CYSLTR1: variants seen among roughly 807,000 people sequenced by gnomAD.
CYSLTR1 encodes cysteinyl leukotriene receptor 1.
CYSLTR1 carries 1 observed loss-of-function variant against 2.1 expected under a neutral mutation model. The ratio of observed to expected loss-of-function variants is 0.48; its 90% confidence interval spans 0.17 to 2.28. The LOEUF (loss-of-function observed/expected upper bound fraction) is 2.28, where lower values mean the gene tolerates loss of function less well. Among genes scored for constraint, CYSLTR1 ranks in the 30% most tolerant of loss-of-function variants. The pLI is 0.26. For missense variants in CYSLTR1, 299 were observed against 250.1 expected (o/e 1.20, Z -1.32); for synonymous variants, 110 against 89.6 (o/e 1.23, Z -1.28).
At chrX:78,279,577 C>T (rs1438577069) in intron 2 of CYSLTR1, among the ~76,000 whole-genome samples, 1 of 112,316 alleles carries the variant, frequency 8.9e-6, no homozygotes, top group Non-Finnish European at 1.9e-5. Flanking sequence ...CCATTTTACC[C>T]AAACAATCCC....
chrX:78,282,907 C>G (rs890424799), intron 2 of CYSLTR1, among the ~76,000 whole-genome samples: 1 of 111,989 alleles, frequency 8.9e-6, no homozygotes, highest in Non-Finnish European at 1.9e-5. Flanking sequence ...AATAACTTCC[C>G]AGTCCTTGCA....
At chrX:78,304,896 T>A (rs1009281729) in intron 1 of CYSLTR1, among the ~76,000 whole-genome samples, 1 of 111,933 alleles carries the variant, frequency 8.9e-6, no homozygotes, top group African/African-American at 3.2e-5. Context: ...ACTTTGTAAT[T>A]TTGAGTTGGT....
chrX:78,291,950 T>G (rs1922355195), intron 1 of CYSLTR1, among the ~76,000 whole-genome samples: 1 of 111,021 alleles, frequency 9.0e-6, no homozygotes, highest in Non-Finnish European at 1.9e-5. Context: ...TTGAAGAGTT[T>G]TTTTGTGTCT....
chrX:78,281,352 C>G (rs917798193), intron 2 of CYSLTR1, among the ~76,000 whole-genome samples: 1 of 110,173 alleles, frequency 9.1e-6, no homozygotes, highest in South Asian at 3.9e-4. Flanking sequence ...CTGCAACCTC[C>G]GCCTCCCAGG....
rs1921256929 is a variant in CYSLTR1 at position 78,271,513 on chromosome X, T to A, written c.*1220A>T. On this transcript the variant is annotated 3_prime_UTR_variant, in exon 3 of 3. Coordinates refer to ENST00000373304, the MANE Select transcript of CYSLTR1 (RefSeq NM_006639.4). ...ATTTCTTCTGAGGTAAGTTACTTTT[T>A]AAAAAACAAACTTAAAGGACACACT... 1 of 111,528 alleles carries A rather than the reference T, an allele frequency of 9.0e-6. No homozygotes were observed. The highest frequency in any genetic ancestry group is 1.9e-5 in the Non-Finnish European group (1 of 53,092). The allele number at this position is 111,528 out of a possible 1,213,427, so 9.2% of individuals were successfully genotyped here.
chrX:78,308,480 C>A (rs1451812653), intron 1 of CYSLTR1, among the ~76,000 whole-genome samples: 1 of 110,720 alleles, frequency 9.0e-6, no homozygotes, highest in Non-Finnish European at 1.9e-5. Context: ...GGAAATGGAG[C>A]CTCTAAGTTT....
At chrX:78,296,045 T>C (rs1339821255) in intron 1 of CYSLTR1, among the ~76,000 whole-genome samples, 1 of 111,737 alleles carries the variant, frequency 8.9e-6, no homozygotes, top group African/African-American at 3.3e-5. Flanking sequence ...TAGATTTAAG[T>C]CTTTAATCCA....
At chrX:78,295,172 T>C (rs1175902983) in intron 1 of CYSLTR1, among the ~76,000 whole-genome samples, 1 of 112,302 alleles carries the variant, frequency 8.9e-6, no homozygotes, top group Non-Finnish European at 1.9e-5. Flanking sequence ...AATGATCTTC[T>C]GTTCCATCCA....
chrX:78,317,684 G>A (rs996954497), intron 1 of CYSLTR1, among the ~76,000 whole-genome samples: 11 of 112,353 alleles, frequency 9.8e-5, no homozygotes, highest in African/African-American at 3.2e-4. Flanking sequence ...GCAGCAATCT[G>A]GACAGAGTTG....
At chrX:78,308,771 C>A (rs1435302716) in intron 1 of CYSLTR1, among the ~76,000 whole-genome samples, 1 of 111,736 alleles carries the variant, frequency 8.9e-6, no homozygotes, top group Non-Finnish European at 1.9e-5. Context: ...GGACAGGGAG[C>A]AGGTTTCACT....
At chrX:78,299,528 C>T (rs1260646651) in intron 1 of CYSLTR1, among the ~76,000 whole-genome samples, 1 of 109,658 alleles carries the variant, frequency 9.1e-6, no homozygotes, top group Non-Finnish European at 1.9e-5. Flanking sequence ...TTTATTTCTC[C>T]TTCATGTTTG....
intron 2 of CYSLTR1, among the ~76,000 whole-genome samples, chrX:78,276,212 A>T (rs1238012797): frequency 1.8e-5 from 2 of 112,146 alleles, no homozygotes; most frequent in East Asian, 5.6e-4. Context: ...AGGGCAGTCA[A>T]TAAGTTCTGA....
intron 1 of CYSLTR1, among the ~76,000 whole-genome samples, chrX:78,317,214 C>T (rs1236456935): frequency 8.9e-6 from 1 of 112,107 alleles, no homozygotes; most frequent in Non-Finnish European, 1.9e-5. Flanking sequence ...ATACAAATGA[C>T]CAACAAACAT....
At position 78,313,485 on chromosome X, in the gene CYSLTR1, T is replaced by C. The variant is rs777771374; in HGVS notation, c.-115+13820A>G. ...AAATAAAAGTTGAAACCAGAAAAAA[T>C]AAAATTAGCAACAATAGAATGCAAC... On this transcript the variant is annotated intron_variant, in intron 1 of 2. Transcript: ENST00000373304. 5.4e-5 allele frequency among the ~76,000 whole-genome samples: 6 copies of C among 111,219 alleles called. No homozygotes were observed. The South Asian group carries it at 1.9e-3, about 35-fold the overall frequency.
chrX:78,291,872 T>G (rs1364507908), intron 1 of CYSLTR1, among the ~76,000 whole-genome samples: 1 of 103,313 alleles, frequency 9.7e-6, no homozygotes, highest in Non-Finnish European at 2.0e-5. Flanking sequence ...TTATTAGTCT[T>G]GCTAGCGGTC....
chrX:78,294,657 C>T (rs1922500245), intron 1 of CYSLTR1, among the ~76,000 whole-genome samples: 1 of 112,619 alleles, frequency 8.9e-6, no homozygotes, highest in African/African-American at 3.2e-5. Context: ...TTCCCAGCTG[C>T]TTTGTTTACC....
intron 1 of CYSLTR1, among the ~76,000 whole-genome samples, chrX:78,305,790 T>C (rs1173395992): frequency 8.8e-6 from 1 of 113,126 alleles, no homozygotes; most frequent in Non-Finnish European, 1.9e-5. Context: ...GGCTCATCCA[T>C]GCAGTTGCAT....
intron 2 of CYSLTR1, among the ~76,000 whole-genome samples, chrX:78,275,840 T>A (rs1357154382): frequency 8.9e-6 from 1 of 111,851 alleles, no homozygotes; most frequent in Non-Finnish European, 1.9e-5. Context: ...TTGCTGTTAA[T>A]GAAACTCCCT....
At chrX:78,300,014 T>A (rs1449363413) in intron 1 of CYSLTR1, among the ~76,000 whole-genome samples, 1 of 109,749 alleles carries the variant, frequency 9.1e-6, no homozygotes, top group African/African-American at 3.4e-5. Flanking sequence ...TCTGGTTATG[T>A]ATCTTCAAAT....
Sources: gnomAD v4.1 joint callset for allele counts (sites outside exome capture counted in the v4.1 genomes callset) on GRCh38, gnomAD v4.1.1 for gene constraint, MANE v1.5 for transcripts, NCBI Gene and HGNC (gene_info 2026-07-23, HGNC 2026-07-21) for gene names.